The following PRKCE variants were observed in gnomAD, a reference collection of about 807,000 sequenced individuals.
The protein encoded by PRKCE is protein kinase C epsilon type.
In PRKCE, 16 loss-of-function variants were observed where a neutral mutation model predicts 85.4. The ratio of observed to expected loss-of-function variants is 0.19; its 90% CI spans 0.13 to 0.28. The LOEUF (loss-of-function observed/expected upper bound fraction) is 0.28, where lower values mean the gene tolerates loss of function less well. Among genes scored for constraint, PRKCE ranks in the 10% least tolerant of loss-of-function variants. PRKCE has a pLI of 1.00. For missense variants in PRKCE, 573 were observed against 975.2 expected (o/e 0.59, Z 5.49); for synonymous variants, 388 against 371.5 (o/e 1.04, Z -0.51).
At chr2:45,688,723 A>G (rs1446769549) in intron 1 of PRKCE, among the ~76,000 whole-genome samples, 3 of 152,214 alleles carry the variant, frequency 2.0e-5, no homozygotes, top group African/African-American at 7.2e-5. Context: ...GTCAAGAAAA[A>G]TAAGGAACAG....
chr2:45,982,115 G>T (rs1182262550), intron 5 of PRKCE, among the ~76,000 whole-genome samples: 1 of 152,200 alleles, frequency 6.6e-6, no homozygotes, highest in Non-Finnish European at 1.5e-5. Context: ...GGGTTTCTTA[G>T]CTTGGTGGAG....
At chr2:45,933,445 C>A (rs942220972) in intron 2 of PRKCE, among the ~76,000 whole-genome samples, 2 of 132,274 alleles carry the variant, frequency 1.5e-5, no homozygotes, top group East Asian at 4.3e-4. Flanking sequence ...TTTGTTTTAC[C>A]TTTCACCTCA....
intron 1 of PRKCE, among the ~76,000 whole-genome samples, chr2:45,762,037 G>T (rs1573245274): frequency 6.6e-6 from 1 of 152,144 alleles, no homozygotes; most frequent in African/African-American, 2.4e-5. Flanking sequence ...CTCTCACATG[G>T]GTTCCCTTGG....
At chr2:45,672,269 TCCATCCATCCAC>T (rs1676207830) in intron 1 of PRKCE, among the ~76,000 whole-genome samples, 1 of 151,342 alleles carries the variant, frequency 6.6e-6, no homozygotes, top group Non-Finnish European at 1.5e-5. Flanking sequence ...CATCCATCCA[TCCATCCATCCAC>T]CCACCCATCC....
chr2:45,668,982 C>A (rs1192879304), intron 1 of PRKCE, among the ~76,000 whole-genome samples: 1 of 152,146 alleles, frequency 6.6e-6, no homozygotes, highest in East Asian at 1.9e-4. Context: ...TCACACTAAG[C>A]AACATTTGGG....
chr2:45,933,724 C>T (rs1461540783), intron 2 of PRKCE, among the ~76,000 whole-genome samples: 10 of 152,114 alleles, frequency 6.6e-5, no homozygotes, highest in Admixed American at 3.3e-4. Context: ...GATCCGCCCG[C>T]CTCGGCCTCC....
At chr2:45,914,427 G>C (rs1196139715) in intron 2 of PRKCE, among the ~76,000 whole-genome samples, 4 of 152,206 alleles carry the variant, frequency 2.6e-5, no homozygotes, top group Non-Finnish European at 4.4e-5. Context: ...CTGGAGCTCA[G>C]GAGTGTTCTG....
intron 1 of PRKCE, among the ~76,000 whole-genome samples, chr2:45,722,291 G>C (rs1321262740): frequency 1.3e-5 from 2 of 152,064 alleles, no homozygotes; most frequent in Non-Finnish European, 2.9e-5. Flanking sequence ...TGTGATGCCT[G>C]GCTTCATAGG....
At chr2:45,877,653 A>C (rs1034930726) in intron 2 of PRKCE, among the ~76,000 whole-genome samples, 18 of 152,198 alleles carry the variant, frequency 1.2e-4, no homozygotes, top group African/African-American at 4.1e-4. Flanking sequence ...CTTTAAAAAA[A>C]ATTCTTTAAT....
At chr2:46,006,006 G>T (rs1392051416) in intron 8 of PRKCE, among the ~76,000 whole-genome samples, 1 of 152,138 alleles carries the variant, frequency 6.6e-6, no homozygotes, top group Non-Finnish European at 1.5e-5. Flanking sequence ...TTGTAGGCCT[G>T]GCTCCTGCCC....
chr2:45,973,452 C>A (rs1034866950), intron 2 of PRKCE, among the ~76,000 whole-genome samples: 1 of 152,192 alleles, frequency 6.6e-6, no homozygotes, highest in African/African-American at 2.4e-5. Flanking sequence ...CTCCTGTGAC[C>A]TTCTGTTTTT....
intron 1 of PRKCE, among the ~76,000 whole-genome samples, chr2:45,836,161 T>A (rs1690859539): frequency 6.6e-6 from 1 of 152,210 alleles, no homozygotes; most frequent in South Asian, 2.1e-4. Flanking sequence ...CTGTATTGAA[T>A]CCCTCCCATG....
chr2:45,904,784 C>T (rs897794166), intron 2 of PRKCE, among the ~76,000 whole-genome samples: 2 of 152,224 alleles, frequency 1.3e-5, no homozygotes, highest in Admixed American at 6.5e-5. Context: ...TGTCTCCCCG[C>T]TGCCCCAGAA....
chr2:46,040,004 A>G (rs1235478690), intron 10 of PRKCE, among the ~76,000 whole-genome samples: 2 of 152,156 alleles, frequency 1.3e-5, no homozygotes, highest in Admixed American at 6.5e-5. Context: ...ATTTTTACCT[A>G]CTGAGGGGAG....
At chr2:45,692,028 AT>A (rs1325555498) in intron 1 of PRKCE, among the ~76,000 whole-genome samples, 2 of 152,138 alleles carry the variant, frequency 1.3e-5, no homozygotes, top group Non-Finnish European at 2.9e-5. Context: ...TTCAGAGGTT[AT>A]TTTTTTAAAA....
rs1680470744 is a variant in PRKCE at position 46,186,652 on chromosome 2, T to C, written c.*1771T>C. 6.6e-6 allele frequency: 1 copy of C among 152,640 alleles called. No homozygotes were observed. Among genetic ancestry groups the C allele is most frequent in the Non-Finnish European group, 1.5e-5 (1 of 68,042 alleles). The allele number at this position is 152,640 out of a possible 1,614,324, so 9.5% of individuals were successfully genotyped here. On this transcript the variant is annotated 3_prime_UTR_variant, in exon 15 of 15. Transcript: ENST00000306156. ...TAAAAGATGTAAACATATATTAAGC[T>C]ATATTAAATCTCACATACAGTTCTT...
At chr2:45,684,959 C>T (rs551476698) in intron 1 of PRKCE, among the ~76,000 whole-genome samples, 57 of 152,302 alleles carry the variant, frequency 3.7e-4, no homozygotes, top group South Asian at 3.5e-3. Flanking sequence ...GAGGGAGAAA[C>T]GACACCCGCC....
intron 5 of PRKCE, among the ~76,000 whole-genome samples, chr2:45,981,635 G>A (rs1241209612): frequency 6.6e-6 from 1 of 152,216 alleles, no homozygotes; most frequent in Non-Finnish European, 1.5e-5. Flanking sequence ...CCGACTCCTG[G>A]TCTAGGATCA....
At chr2:45,854,577 A>G (rs574497047) in intron 2 of PRKCE, among the ~76,000 whole-genome samples, 12 of 152,240 alleles carry the variant, frequency 7.9e-5, no homozygotes, top group Non-Finnish European at 1.0e-4. Flanking sequence ...ATCGTTGGGT[A>G]TTTCTGACCT....
Sources: gnomAD v4.1 joint callset for allele counts (sites outside exome capture counted in the v4.1 genomes callset) on GRCh38, gnomAD v4.1.1 for gene constraint, MANE v1.5 for transcripts, NCBI Gene and HGNC (gene_info 2026-07-23, HGNC 2026-07-21) for gene names.